The following ELP4 variants were observed in gnomAD, a reference collection of about 807,000 sequenced individuals.
ELP4 encodes the protein elongator complex protein 4.
A neutral mutation model predicts 48.9 loss-of-function variants in ELP4; 51 were observed. The observed-to-expected ratio is 1.04, with a 90% CI of 0.83 to 1.32. ELP4 has a LOEUF of 1.32. ELP4 is among the 40% of genes most tolerant of loss of function. ELP4 has a pLI of 0.00. For synonymous variants in ELP4, 210 were observed against 189.2 expected, an observed-to-expected ratio of 1.11 and a Z score of -0.90; for missense variants, 519 against 514.6, an observed-to-expected ratio of 1.01 and a Z score of -0.08.
At chr11:31,612,247 G>A (rs12290519) in intron 5 of ELP4, among the ~76,000 whole-genome samples, 8 of 152,162 alleles carry the variant, frequency 5.3e-5, no homozygotes, top group African/African-American at 1.7e-4. Flanking sequence ...AGAAAAGAAA[G>A]CAGCAGTTTC....
chr11:31,767,531 G>C (rs1224354779), intron 9 of ELP4: 2 of 151,976 alleles, frequency 1.3e-5, no homozygotes, highest in African/African-American at 4.8e-5. Flanking sequence ...ATTAAACTTA[G>C]CTCCTGTTAA....
intron 2 of ELP4, among the ~76,000 whole-genome samples, chr11:31,528,409 T>C (rs1461597870): frequency 6.6e-6 from 1 of 152,160 alleles, no homozygotes; most frequent in Non-Finnish European, 1.5e-5. Context: ...AAACTCCTCA[T>C]TGCCCTAATC....
chr11:31,519,301 C>G (rs565003453), intron 1 of ELP4, among the ~76,000 whole-genome samples: 6 of 152,274 alleles, frequency 3.9e-5, no homozygotes, highest in African/African-American at 1.4e-4. Flanking sequence ...GATCTTTACT[C>G]AGTCTTACTA....
In ELP4 at chr11:31,789,954, A is replaced by G. The variant is rs1344090098; in HGVS notation, c.*6430A>G. The G allele has an allele frequency of 8.0e-7, 1 of 1,248,748 alleles. No individual in the cohort carries two copies. Among genetic ancestry groups the G allele is most frequent in the Admixed American group, 2.0e-5 (1 of 49,582 alleles). 77.4% of individuals were successfully genotyped at this position (1,248,748 alleles called of 1,614,324 possible). A position where few individuals can be genotyped will look rare whatever the true frequency, so the allele number is the denominator to read the frequency against. Reference sequence around the variant, plus strand: ...TTTTTTTACTGTAATCTTGGCCAGTATTGAGACATATCAGGTTCACTTCCG... The same window carrying G: ...TTTTTTTACTGTAATCTTGGCCAGTGTTGAGACATATCAGGTTCACTTCCG... On this transcript the variant is annotated 3_prime_UTR_variant, in exon 10 of 10. Transcript: ENST00000640961.
At position 31,549,921 on chromosome 11, in the gene ELP4, G is replaced by A. The variant is rs186713349; in HGVS notation, c.381+10138G>A. Among the ~76,000 whole-genome samples, 376 of 152,206 alleles carry A rather than the reference G, an allele frequency of 2.5e-3. 1 individual carries two copies. The highest frequency in any genetic ancestry group is 8.6e-3 in the African/African-American group (357 of 41,540). On this transcript the variant is annotated intron_variant, in intron 3 of 9. Transcript: ENST00000640961. ...AAACACCACACTTTATCACTCATAGGTGGGAATTGAACAATGAGAACACAT... is the reference window on the plus strand; with the variant it reads ...AAACACCACACTTTATCACTCATAGATGGGAATTGAACAATGAGAACACAT...
intron 9 of ELP4, among the ~76,000 whole-genome samples, chr11:31,686,334 T>TG (rs201996352): frequency 0.028 from 4,175 of 150,992 alleles, 201 homozygotes; most frequent in African/African-American, 0.096. Flanking sequence ...GTTGGTTTTT[T>TG]TTTTTTTTTT....
chr11:31,586,327 GA>G (rs1347170755), intron 3 of ELP4, among the ~76,000 whole-genome samples: 1 of 152,128 alleles, frequency 6.6e-6, no homozygotes, highest in Non-Finnish European at 1.5e-5. Context: ...GTTTTACTTG[GA>G]AATAAGGAAA....
chr11:31,771,535 G>A (rs759463144), intron 9 of ELP4, among the ~76,000 whole-genome samples: 2 of 152,166 alleles, frequency 1.3e-5, no homozygotes, highest in Non-Finnish European at 2.9e-5. Flanking sequence ...ACTTCTCATA[G>A]CCACTCCCCT....
At chr11:31,560,684 A>ATTGTTTTATATATATATAAAACAACT (rs1957005543) in intron 3 of ELP4, among the ~76,000 whole-genome samples, 1 of 108,838 alleles carries the variant, frequency 9.2e-6, no homozygotes, top group Admixed American at 9.7e-5. Flanking sequence ...TAAAGACCAC[A>ATTGTTTTATATATATATAAAACAACT]TTGTTTTATA....
intron 9 of ELP4, among the ~76,000 whole-genome samples, chr11:31,764,730 G>T (rs1948009680): frequency 6.6e-6 from 1 of 152,168 alleles, no homozygotes. Flanking sequence ...TGATTACAGA[G>T]CCTGGTTGGG....
intron 3 of ELP4, among the ~76,000 whole-genome samples, chr11:31,555,598 TGTG>T (rs1474133067): frequency 6.6e-6 from 1 of 151,766 alleles, no homozygotes; most frequent in African/African-American, 2.4e-5. Context: ...TATATATTAA[TGTG>T]GTCCAGTTTT....
At chr11:31,721,703 A>T (rs948442972) in intron 9 of ELP4, among the ~76,000 whole-genome samples, 2 of 152,180 alleles carry the variant, frequency 1.3e-5, no homozygotes, top group African/African-American at 4.8e-5. Context: ...GAAAATATCA[A>T]TGAGCAAATC....
chr11:31,754,644 G>A (rs906675632), intron 9 of ELP4, among the ~76,000 whole-genome samples: 4 of 152,138 alleles, frequency 2.6e-5, no homozygotes, highest in Non-Finnish European at 5.9e-5. Flanking sequence ...GCCGAGGTGG[G>A]TGGATCACCT....
intron 5 of ELP4, among the ~76,000 whole-genome samples, chr11:31,610,690 G>T (rs1307127761): frequency 2.0e-5 from 3 of 152,186 alleles, no homozygotes; most frequent in African/African-American, 7.2e-5. Flanking sequence ...TTGCTTGCAT[G>T]TTTGCCTTGT....
chr11:31,632,671 AGT>A (rs1185388368), intron 7 of ELP4: 1 of 307,154 alleles, frequency 3.3e-6, no homozygotes, highest in African/African-American at 2.2e-5. Flanking sequence ...TTTTCTTAAC[AGT>A]GTCTTTTGAA....
chr11:31,546,776 A>G (rs1448927354), intron 3 of ELP4, among the ~76,000 whole-genome samples: 2 of 152,132 alleles, frequency 1.3e-5, no homozygotes, highest in African/African-American at 2.4e-5. Flanking sequence ...AGAAATTATA[A>G]CAAACTGTCT....
At chr11:31,672,977 G>A (rs113028627) in intron 9 of ELP4, among the ~76,000 whole-genome samples, 1,689 of 152,086 alleles carry the variant, frequency 0.011, 18 homozygotes, top group Non-Finnish European at 0.017. Flanking sequence ...AAACTATAAA[G>A]GGATGACAGT....
At chr11:31,714,705 T>C in intron 9 of ELP4, 1 of 398,616 alleles carries the variant, frequency 2.5e-6, no homozygotes, top group Non-Finnish European at 4.4e-6. Flanking sequence ...TTCCTTGCCT[T>C]TTCCAGCTTC....
At chr11:31,582,198 C>G (rs149048028) in intron 3 of ELP4, among the ~76,000 whole-genome samples, 293 of 152,228 alleles carry the variant, frequency 1.9e-3, no homozygotes, top group African/African-American at 6.7e-3. Flanking sequence ...GTTTCAATGT[C>G]TTCATCTATA....
Sources: gnomAD v4.1 joint callset for allele counts (sites outside exome capture counted in the v4.1 genomes callset) on GRCh38, gnomAD v4.1.1 for gene constraint, MANE v1.5 for transcripts, NCBI Gene and HGNC (gene_info 2026-07-23, HGNC 2026-07-21) for gene names.